Variants in TBC1D15 observed in about 807,000 individuals in gnomAD.
TBC1D15 encodes the protein GAP for RAB7.
Under a neutral mutation model 95.4 loss-of-function variants are expected in TBC1D15, and 39 were observed. The observed-to-expected ratio is 0.41, with a 90% CI of 0.32 to 0.53. The LOEUF is 0.53. Ranked by LOEUF, TBC1D15 falls within the 20% of genes least tolerant of loss-of-function variation. The pLI is 0.29. For synonymous variants in TBC1D15, 258 were observed against 261.3 expected (o/e 0.99, Z 0.12); for missense variants, 733 against 794.3 (o/e 0.92, Z 0.93).
chr12:71,891,380 T>C (rs948815796), intron 5 of TBC1D15, among the ~76,000 whole-genome samples: 2 of 152,180 alleles, frequency 1.3e-5, no homozygotes, highest in South Asian at 2.1e-4. Context: ...GTTAGCATCA[T>C]TAAAAGTTCA....
rs1322866536 is a variant in TBC1D15, at chr12:71,921,503, T to A, written c.1803+49T>A. On this transcript the variant is annotated intron_variant, in intron 16 of 16. Coordinates refer to ENST00000485960, the MANE Select transcript of TBC1D15 (RefSeq NM_001146213.3). ...CAAGATTTGTTTGTTTTTGGTGGGT[T>A]GAGATCAAGAAAGATTTTTCTTCTT... 4 of 1,165,378 alleles carry A rather than the reference T, an allele frequency of 3.4e-6. No homozygotes were observed. In the South Asian group the frequency reaches 6.2e-5, roughly 18 times the overall value. 72.2% of individuals were successfully genotyped at this position (1,165,378 alleles called of 1,614,324 possible).
At chr12:71,853,264 C>A (rs1888274055) in intron 1 of TBC1D15, among the ~76,000 whole-genome samples, 1 of 152,176 alleles carries the variant, frequency 6.6e-6, no homozygotes, top group South Asian at 2.1e-4. Flanking sequence ...CAGGAGAACT[C>A]ACTATTGACA....
chr12:71,919,613 G>C (rs1868467185), intron 14 of TBC1D15, among the ~76,000 whole-genome samples: 1 of 152,096 alleles, frequency 6.6e-6, no homozygotes, highest in Admixed American at 6.5e-5. Context: ...TCTCAGATTA[G>C]AAGTAAAACC....
chr12:71,879,679 G>T (rs1894742733), intron 3 of TBC1D15, among the ~76,000 whole-genome samples: 2 of 151,254 alleles, frequency 1.3e-5, no homozygotes, highest in African/African-American at 4.8e-5. Context: ...TGTTACTGAA[G>T]TTGGACATCT....
chr12:71,917,902 T>C lies in TBC1D15; in HGVS notation c.1501+105T>C, dbSNP rs1039506693. On this transcript the variant is annotated intron_variant, in intron 13 of 16. Coordinates refer to ENST00000485960, the MANE Select transcript of TBC1D15 (RefSeq NM_001146213.3). ...AGCCAGGTGCAGTGGCTCATGCCTA[T>C]AATCCCAGCACTTTGGAAGCCAAGG... 2.3e-5 allele frequency: 16 copies of C among 708,010 alleles called. No homozygotes were observed. In the Admixed American group the frequency reaches 3.8e-4, roughly 17 times the overall value. The allele number at this position is 708,010 out of a possible 1,614,324, so 43.9% of individuals were successfully genotyped here.
At chr12:71,902,745 C>G (rs939329300) in intron 10 of TBC1D15, among the ~76,000 whole-genome samples, 1 of 152,136 alleles carries the variant, frequency 6.6e-6, no homozygotes, top group African/African-American at 2.4e-5. Context: ...AATTAAAGAG[C>G]TTGTGTACAG....
At chr12:71,899,645 ACT>A (rs1029723138) in intron 10 of TBC1D15, among the ~76,000 whole-genome samples, 2 of 152,032 alleles carry the variant, frequency 1.3e-5, no homozygotes, top group African/African-American at 2.4e-5. Flanking sequence ...GTATGATGAG[ACT>A]CTATTGGAGC....
intron 16 of TBC1D15, among the ~76,000 whole-genome samples, chr12:71,921,859 G>A (rs1207857056): frequency 2.6e-5 from 4 of 152,088 alleles, no homozygotes; most frequent in African/African-American, 9.7e-5. Context: ...ACTTATATTA[G>A]TCAAGTTATT....
At chr12:71,877,496 T>TTTCCTTCCTTCCTTCCTTCC (rs200912836) in intron 3 of TBC1D15, among the ~76,000 whole-genome samples, 14 of 89,712 alleles carry the variant, frequency 1.6e-4, no homozygotes, top group East Asian at 3.3e-4. Context: ...CTTTCCTGTT[T>TTTCCTTCCTTCCTTCCTTCC]TTCCTTCCTT....
In TBC1D15 at chr12:71,873,020, T is replaced by C; in HGVS notation, c.204+17T>C. On this transcript the variant is annotated intron_variant, in intron 3 of 16. Coordinates refer to ENST00000485960, the MANE Select transcript of TBC1D15 (RefSeq NM_001146213.3). Reference sequence around the variant, plus strand: ...GCTAGAAAGGTATTTAAGAAAAAAATGTGTTACTAAGGGAATGCCATTTAA... The same window carrying C: ...GCTAGAAAGGTATTTAAGAAAAAAACGTGTTACTAAGGGAATGCCATTTAA... 3 of 1,547,326 alleles carry C rather than the reference T, an allele frequency of 1.9e-6. No homozygotes were observed. The highest frequency in any genetic ancestry group is 2.7e-6 in the Non-Finnish European group (3 of 1,130,692).
At chr12:71,908,872 G>T (rs1474929972) in intron 11 of TBC1D15, among the ~76,000 whole-genome samples, 1 of 152,132 alleles carries the variant, frequency 6.6e-6, no homozygotes, top group Admixed American at 6.5e-5. Context: ...TGGTCTGGGA[G>T]TAGAGACCCA....
At position 71,896,256 on chromosome 12, in the gene TBC1D15, A is replaced by T. The variant is rs111880560; in HGVS notation, c.984+181A>T. 9.8e-4 allele frequency: 530 copies of T among 543,008 alleles called. 1 individual carries two copies. Among genetic ancestry groups the T allele is most frequent in the African/African-American group, 9.3e-3 (478 of 51,586 alleles). The allele number at this position is 543,008 out of a possible 1,614,324, so 33.6% of individuals were successfully genotyped here. The stretch of plus-strand genomic sequence containing the variant: ...ATGAATGATGCCTTAAAATTCCTGG[A>T]TTGAGTAGGACAGAGTGAGGTGCTT... On this transcript the variant is annotated intron_variant, in intron 8 of 16. Coordinates refer to ENST00000485960, the MANE Select transcript of TBC1D15 (RefSeq NM_001146213.3).
At chr12:71,886,158 G>A (rs1266036154) in intron 5 of TBC1D15, among the ~76,000 whole-genome samples, 8 of 152,098 alleles carry the variant, frequency 5.3e-5, no homozygotes, top group Non-Finnish European at 1.2e-4. Context: ...GAGGTTTTGG[G>A]CTTGGGGGAA....
Position 71,880,624 on chromosome 12 carries a change from T to C in TBC1D15, c.343+17T>C. On this transcript the variant is annotated intron_variant, in intron 4 of 16. Coordinates refer to ENST00000485960, the MANE Select transcript of TBC1D15 (RefSeq NM_001146213.3). ...CCAATGGAGGTATGAATTAAATCTT[T>C]TGAAATCTTAAACTGATTTGCTACA... 6.3e-7 allele frequency: 1 copy of C among 1,590,050 alleles called. No homozygotes were observed. Among genetic ancestry groups the C allele is most frequent in the Non-Finnish European group, 8.5e-7 (1 of 1,170,644 alleles).
intron 1 of TBC1D15, among the ~76,000 whole-genome samples, chr12:71,852,926 G>A (rs1396725500): frequency 6.6e-6 from 1 of 152,076 alleles, no homozygotes; most frequent in Non-Finnish European, 1.5e-5. Flanking sequence ...TCTGACCTCT[G>A]TCTGTTACCC....
chr12:71,853,551 A>G (rs182628902), intron 1 of TBC1D15, among the ~76,000 whole-genome samples: 3 of 152,342 alleles, frequency 2.0e-5, no homozygotes, highest in South Asian at 2.1e-4. Flanking sequence ...TTTGTGGTCA[A>G]TTGTAATTGA....
At chr12:71,840,600 A>C (rs1367821222) in intron 1 of TBC1D15, among the ~76,000 whole-genome samples, 2 of 152,158 alleles carry the variant, frequency 1.3e-5, no homozygotes, top group Admixed American at 6.5e-5. Context: ...CAGCTTTATG[A>C]TATGCCACCG....
At chr12:71,869,375 T>TA (rs1892183562) in intron 1 of TBC1D15, among the ~76,000 whole-genome samples, 1 of 152,004 alleles carries the variant, frequency 6.6e-6, no homozygotes, top group Admixed American at 6.6e-5. Context: ...ACAGAAAAAT[T>TA]AGTCGGGCAT....
At chr12:71,895,902 T>C (rs776916410) in intron 7 of TBC1D15, 45 bp from the exon 8 acceptor site, 2 of 1,567,530 alleles carry the variant, frequency 1.3e-6, no homozygotes, top group Non-Finnish European at 1.7e-6. Flanking sequence ...TTATTTCATT[T>C]CACTGGTTAA....
Sources: allele counts gnomAD v4.1 joint callset (sites outside exome capture counted in the v4.1 genomes callset), GRCh38; gene constraint gnomAD v4.1.1; transcripts MANE v1.5; gene names NCBI Gene and HGNC (gene_info 2026-07-23, HGNC 2026-07-21).